The following STAP2 variants were observed in gnomAD, a reference collection of about 807,000 sequenced individuals.
STAP2 encodes signal transducing adaptor family member 2.
A neutral mutation model predicts 52.7 loss-of-function variants in STAP2; 58 were observed. The ratio of observed to expected loss-of-function variants is 1.10; its 90% confidence interval spans 0.89 to 1.37. The LOEUF (loss-of-function observed/expected upper bound fraction) is 1.37. Ranked by LOEUF, STAP2 falls within the 40% of genes most tolerant of loss-of-function variation. STAP2 has a pLI of 0.00. For synonymous variants in STAP2, 231 were observed against 210.5 expected (o/e 1.10, Z -0.84); for missense variants, 522 against 519.4 (o/e 1.00, Z -0.05).
chr19:4,329,340 A>G (rs1420108840), intron 5 of STAP2, among the ~76,000 whole-genome samples: 4 of 151,614 alleles, frequency 2.6e-5, no homozygotes, highest in Admixed American at 6.6e-5. Flanking sequence ...ACTGGGTAAA[A>G]GCAATCCTCC....
chr19:4,333,912 G>T, intron 2 of STAP2, 61 bp downstream of exon 2: 2 of 1,611,002 alleles, frequency 1.2e-6, no homozygotes, highest in Non-Finnish European at 1.7e-6. Context: ...CATCTACATT[G>T]TCTGCTTGGT....
In STAP2 at chr19:4,332,082, G is replaced by C; in HGVS notation, c.298-4C>G. ...CCCGACACTCCAAGGTCTCTACCTG[G>C]GGAACAAAAGAAAGGAAAGAATCCA... On this transcript the variant is annotated splice_polypyrimidine_tract_variant and splice_region_variant and intron_variant, in intron 3 of 12. Coordinates refer to ENST00000594605, the MANE Select transcript of STAP2 (RefSeq NM_001013841.2). The C allele has an allele frequency of 6.2e-7, 1 of 1,608,638 alleles. No individual in the cohort carries two copies.
chr19:4,338,566 T>C (rs1361997010), intron 1 of STAP2, 86 bp downstream of exon 1: 101 of 481,440 alleles, frequency 2.1e-4, no homozygotes, highest in Non-Finnish European at 3.3e-4. Context: ...CGCCCCCCCT[T>C]GGCGAGTGGG....
chr19:4,332,181 T>TTTTTTC (rs1971902745), intron 3 of STAP2, 103 bp from the exon 4 acceptor site: 2 of 758,842 alleles, frequency 2.6e-6, no homozygotes, highest in Non-Finnish European at 3.9e-6. Flanking sequence ...GGCCGTTTTC[T>TTTTTTC]TTTTTCTTTT....
intron 1 of STAP2, among the ~76,000 whole-genome samples, 189 bp from the exon 2 acceptor site, chr19:4,334,233 G>A (rs2144792463): frequency 6.6e-6 from 1 of 152,142 alleles, no homozygotes; most frequent in African/African-American, 2.4e-5. Context: ...CCCACCCATG[G>A]CCCAGCTTCT....
Position 4,328,605 on chromosome 19 carries a change from G to C in STAP2, c.590+70C>G, listed in dbSNP as rs528071031. 1.1e-4 allele frequency: 174 copies of C among 1,532,368 alleles called. 1 individual carries two copies. In the African/African-American group the frequency reaches 2.2e-3, roughly 19 times the overall value. The allele number at this position is 1,532,368 out of a possible 1,614,324, so 94.9% of individuals were successfully genotyped here. On this transcript the variant is annotated intron_variant, in intron 6 of 12. Transcript: ENST00000594605. ...CGGGTCGGACTCCGCCCCTGCTTCT[G>C]ACCACGCCCCCGCGCCCACCCTCTT...
At chr19:4,328,617 G>T in intron 6 of STAP2, 58 bp downstream of exon 6, 1 of 1,530,556 alleles carries the variant, frequency 6.5e-7, no homozygotes, top group Non-Finnish European at 8.8e-7. Context: ...CCACGCCCCC[G>T]CGCCCACCCT....
chr19:4,333,389 G>A (rs1221121439), intron 3 of STAP2, among the ~76,000 whole-genome samples: 1 of 152,014 alleles, frequency 6.6e-6, no homozygotes, highest in African/African-American at 2.4e-5. Flanking sequence ...CCAGCTACTT[G>A]GGAGGCTGAG....
intron 4 of STAP2, among the ~76,000 whole-genome samples, chr19:4,330,532 A>G (rs59429661): frequency 6.7e-6 from 1 of 148,948 alleles, no homozygotes; most frequent in Admixed American, 6.7e-5. Flanking sequence ...CCCGCTCCCC[A>G]ACCCCACCAA....
intron 1 of STAP2, among the ~76,000 whole-genome samples, chr19:4,334,806 C>CT (rs1971948314): frequency 3.4e-5 from 5 of 147,424 alleles, no homozygotes; most frequent in Admixed American, 1.4e-4. Context: ...ATCCATCCCT[C>CT]CATCATCCAT....
chr19:4,329,961 G>A lies in STAP2; in HGVS notation c.455C>T (p.Ser152Leu), dbSNP rs1444564900. The A allele has an allele frequency of 2.5e-6, 4 of 1,612,360 alleles. No individual in the cohort carries two copies. The highest frequency in any genetic ancestry group is 1.7e-4 in the Middle Eastern group (1 of 6,050). ...CCCTCGGGACAGGCGGGACACTCACGAGGGTGTCTCCAGTGCACGGCGCGC... is the reference window on the plus strand; with the variant it reads ...CCCTCGGGACAGGCGGGACACTCACAAGGGTGTCTCCAGTGCACGGCGCGC... ...EEARRALETP[S>L]CFLKVSRLEA... The change falls in exon 5 of 13, where the codon TCG becomes TTG. Residue 152 changes from serine to leucine, a missense_variant and splice_region_variant. Ser to Leu is a moderately radical substitution (Grantham distance 145). Transcript: ENST00000594605.
rs143252691 is a variant in STAP2, at chr19:4,327,337, G to A, written c.639C>T (p.Tyr213=). ...TCACCGGCTGTTCCACATCGATCAC[G>A]TACTTGGGGCCCTCCCGCTTCACCT... ...HYKVKREGPK[Y]VIDVEQPFSC... is the part of the protein sequence containing the mutation. Residue 213 remains tyrosine (Y), a synonymous_variant, in exon 7 of 13, where the codon TAC becomes TAT. Coordinates refer to ENST00000594605, the MANE Select transcript of STAP2 (RefSeq NM_001013841.2). The A allele has an allele frequency of 8.1e-6, 13 of 1,614,014 alleles. No individual in the cohort carries two copies. Among genetic ancestry groups the A allele is most frequent in the African/African-American group, 8.0e-5 (6 of 74,920 alleles).
chr19:4,326,274 T>C (rs376507214), intron 9 of STAP2, among the ~76,000 whole-genome samples: 5 of 152,232 alleles, frequency 3.3e-5, no homozygotes, highest in African/African-American at 1.2e-4. Context: ...CACACGTGTA[T>C]TTATGCATGT....
chr19:4,336,142 G>C (rs1051702160), intron 1 of STAP2, among the ~76,000 whole-genome samples: 1 of 152,050 alleles, frequency 6.6e-6, no homozygotes, highest in Non-Finnish European at 1.5e-5. Flanking sequence ...TTCTCAAGTA[G>C]CTGGGATTAC....
At position 4,330,075 on chromosome 19, in the gene STAP2, G is replaced by A. The variant is rs759575061; in HGVS notation, c.355-14C>T. The A allele has an allele frequency of 4.0e-5, 64 of 1,608,336 alleles. No homozygotes were observed. The highest frequency in any genetic ancestry group is 5.2e-5 in the Non-Finnish European group (61 of 1,175,654). ...CGGGACACGGAGCTGAGGGGCGATC[G>A]AGGGACAGTGACTGCACCTGGCCAG... On this transcript the variant is annotated splice_polypyrimidine_tract_variant and intron_variant, in intron 4 of 12. Transcript: ENST00000594605.
intron 1 of STAP2, chr19:4,338,272 C>T (rs1264642271): frequency 1.8e-5 from 3 of 165,334 alleles, no homozygotes; most frequent in East Asian, 1.7e-4. Context: ...GGGCTGGGAG[C>T]GGGAGGAAGC....
intron 1 of STAP2, among the ~76,000 whole-genome samples, chr19:4,335,042 CCCT>C (rs987164962): frequency 2.1e-5 from 3 of 146,148 alleles, no homozygotes; most frequent in African/African-American, 5.1e-5. Context: ...ATCCATCCAT[CCCT>C]CCATCATCCA....
intron 1 of STAP2, 90 bp downstream of exon 1, chr19:4,338,562 C>G (rs978217210): frequency 1.6e-5 from 13 of 803,972 alleles, no homozygotes; most frequent in Admixed American, 8.5e-5. Flanking sequence ...ACCCCGCCCC[C>G]CCTTGGCGAG....
chr19:4,337,255 G>A (rs1164394412), intron 1 of STAP2, among the ~76,000 whole-genome samples: 13 of 147,620 alleles, frequency 8.8e-5, no homozygotes, highest in African/African-American at 2.2e-4. Flanking sequence ...TTTTTGAGAC[G>A]GAGTCTTGCT....
Sources: gnomAD v4.1 joint callset for allele counts (sites outside exome capture counted in the v4.1 genomes callset) on GRCh38, gnomAD v4.1.1 for gene constraint, MANE v1.5 for transcripts, NCBI Gene and HGNC (gene_info 2026-07-23, HGNC 2026-07-21) for gene names.